YEATS2: variants seen among roughly 807,000 people sequenced by gnomAD.
The protein encoded by YEATS2 is YEATS domain-containing protein 2.
YEATS2 carries 77 observed loss-of-function variants against 163.2 expected under a neutral mutation model. The observed-to-expected ratio is 0.47, with a 90% CI of 0.39 to 0.57. The LOEUF is 0.57. Ranked by LOEUF, YEATS2 falls within the 20% of genes least tolerant of loss-of-function variation. The probability of loss-of-function intolerance (pLI) is 0.00; values close to 1 mark genes in which losing one functional copy is unlikely to be tolerated. For missense variants in YEATS2, 1,549 were observed against 1,729.8 expected (o/e 0.90, Z 1.85); for synonymous variants, 631 against 645.1 (o/e 0.98, Z 0.33).
intron 7 of YEATS2, among the ~76,000 whole-genome samples, chr3:183,732,350 G>A (rs1482224626): frequency 1.3e-5 from 2 of 151,604 alleles, no homozygotes; most frequent in Non-Finnish European, 2.9e-5. Flanking sequence ...CTACTCGAGA[G>A]GCTGAGGCAG....
At chr3:183,762,489 A>C (rs1270442225) in intron 15 of YEATS2, among the ~76,000 whole-genome samples, 1 of 152,202 alleles carries the variant, frequency 6.6e-6, no homozygotes. Flanking sequence ...TGTATTGCAA[A>C]GGATCCCGGA....
chr3:183,758,214 A>G (rs1720962708), intron 12 of YEATS2, among the ~76,000 whole-genome samples: 1 of 152,058 alleles, frequency 6.6e-6, no homozygotes, highest in South Asian at 2.1e-4. Flanking sequence ...AAAATTAGCC[A>G]GGTGTGGTAG....
chr3:183,727,303 TAAG>T (rs1717220409), intron 6 of YEATS2, among the ~76,000 whole-genome samples: 1 of 152,226 alleles, frequency 6.6e-6, no homozygotes, highest in African/African-American at 2.4e-5. Context: ...ATTAAAGAGA[TAAG>T]AAACTATTAA....
intron 15 of YEATS2, among the ~76,000 whole-genome samples, chr3:183,766,942 T>TGG (rs986750367): frequency 6.6e-6 from 1 of 151,666 alleles, no homozygotes; most frequent in Non-Finnish European, 1.5e-5. Flanking sequence ...CCCAAAGTGT[T>TGG]GGGGTTATAA....
chr3:183,765,545 T>TA (rs1401327818), intron 15 of YEATS2, among the ~76,000 whole-genome samples: 1 of 152,146 alleles, frequency 6.6e-6, no homozygotes, highest in African/African-American at 2.4e-5. Context: ...CGTGAGATGA[T>TA]ACCACTGTTT....
At chr3:183,752,573 A>T (rs776965733) in intron 10 of YEATS2, among the ~76,000 whole-genome samples, 2 of 151,230 alleles carry the variant, frequency 1.3e-5, no homozygotes, top group Non-Finnish European at 3.0e-5. Flanking sequence ...GCTGGGTGTG[A>T]TGGTGGGTGC....
At position 183,803,157 on chromosome 3, in the gene YEATS2, A is replaced by C; in HGVS notation, c.3503-99A>C. 9 of 1,249,854 alleles carry C rather than the reference A, an allele frequency of 7.2e-6. No homozygotes were observed. In the South Asian group the frequency reaches 1.2e-4, roughly 16 times the overall value. 77.4% of individuals were successfully genotyped at this position (1,249,854 alleles called of 1,614,324 possible). A position where few individuals can be genotyped will look rare whatever the true frequency, so the allele number is the denominator to read the frequency against. On this transcript the variant is annotated intron_variant, in intron 25 of 30. Coordinates refer to ENST00000305135, the MANE Select transcript of YEATS2 (RefSeq NM_018023.5). ...GCCCAGTAAGGAACATACATGCGAT[A>C]AAGAGGTCTGAAGAAGTGACTGGCT...
intron 1 of YEATS2, among the ~76,000 whole-genome samples, chr3:183,710,371 G>A (rs899901764): frequency 2.0e-5 from 3 of 152,186 alleles, no homozygotes; most frequent in African/African-American, 4.8e-5. Flanking sequence ...CTCAGCAGAT[G>A]TGCCTAGTCT....
intron 19 of YEATS2, 145 bp downstream of exon 19, chr3:183,777,845 G>A: frequency 1.6e-6 from 2 of 1,212,978 alleles, no homozygotes; most frequent in Non-Finnish European, 2.2e-6. Context: ...GCTCACGTCT[G>A]TAATCCCAGC....
intron 2 of YEATS2, among the ~76,000 whole-genome samples, chr3:183,716,843 G>T (rs1332973514): frequency 6.6e-6 from 1 of 151,140 alleles, no homozygotes; most frequent in East Asian, 1.9e-4. Context: ...CCCCCCACCA[G>T]AATTTTTCTC....
At chr3:183,730,911 G>A (rs775320009) in intron 7 of YEATS2, among the ~76,000 whole-genome samples, 1 of 152,148 alleles carries the variant, frequency 6.6e-6, no homozygotes, top group East Asian at 1.9e-4. Context: ...AGCAGTGATG[G>A]CTGGTGAAAA....
chr3:183,730,048 GTTT>G (rs1717569883), intron 7 of YEATS2, among the ~76,000 whole-genome samples: 2 of 20,820 alleles, frequency 9.6e-5, no homozygotes, highest in Non-Finnish European at 1.1e-4. Context: ...GTGGTTTTTT[GTTT>G]GTTTTTTTTT....
intron 27 of YEATS2, 46 bp downstream of exon 27, chr3:183,804,234 C>CA (rs1725966158): frequency 1.9e-6 from 3 of 1,607,278 alleles, no homozygotes; most frequent in Admixed American, 3.4e-5. Flanking sequence ...AGCCTGGAGG[C>CA]ATTTGCTGAG....
chr3:183,744,471 C>T (rs1185789847), intron 8 of YEATS2, among the ~76,000 whole-genome samples: 1 of 152,152 alleles, frequency 6.6e-6, no homozygotes, highest in Non-Finnish European at 1.5e-5. Flanking sequence ...CCTTATGTTG[C>T]ACTGGGCTCA....
intron 1 of YEATS2, among the ~76,000 whole-genome samples, chr3:183,712,187 C>CTTTTA (rs58510341): frequency 0.13 from 14,694 of 113,402 alleles, 1,582 homozygotes; most frequent in Middle Eastern, 0.22. Context: ...ATTTTATGTT[C>CTTTTA]TTTTATTTTA....
rs1218518221 is a variant in YEATS2 at position 183,775,896 on chromosome 3, T to G, written c.2369-19T>G. 3 of 1,611,408 alleles carry G rather than the reference T, an allele frequency of 1.9e-6. No individual in the cohort carries two copies. The highest frequency in any genetic ancestry group is 2.5e-6 in the Non-Finnish European group (3 of 1,179,950). Reference sequence around the variant, plus strand: ...CTTGATACTTTTTATGATGTTGCTGTCATTCATTGTATTTTTAGATCTCCA... The same window carrying G: ...CTTGATACTTTTTATGATGTTGCTGGCATTCATTGTATTTTTAGATCTCCA... On this transcript the variant is annotated intron_variant, in intron 17 of 30. Transcript: ENST00000305135.
At chr3:183,767,812 C>T (rs557222642) in intron 15 of YEATS2, among the ~76,000 whole-genome samples, 15 of 152,180 alleles carry the variant, frequency 9.9e-5, no homozygotes, top group African/African-American at 2.9e-4. Context: ...CCACCACGCC[C>T]GGCAGGATAC....
At position 183,781,419 on chromosome 3, in the gene YEATS2, C is replaced by T. The variant is rs566144855; in HGVS notation, c.2736+3719C>T. Among the ~76,000 whole-genome samples the T allele has an allele frequency of 4.6e-5, 7 of 152,260 alleles. No homozygotes were observed. In the South Asian group the frequency reaches 1.5e-3, roughly 32 times the overall value. ...TCCGCCTTTTTGTTCTATTCAGGTC[C>T]TTGACAGATTGGATGATGTCTGCCC... On this transcript the variant is annotated intron_variant, in intron 19 of 30. Transcript: ENST00000305135.
At chr3:183,790,252 G>T (rs996864287) in intron 20 of YEATS2, among the ~76,000 whole-genome samples, 5 of 152,160 alleles carry the variant, frequency 3.3e-5, no homozygotes, top group African/African-American at 1.2e-4. Context: ...CTTTCTTCTT[G>T]GTTGTGTTGG....
Sources: gnomAD v4.1 joint callset for allele counts (sites outside exome capture counted in the v4.1 genomes callset) on GRCh38, gnomAD v4.1.1 for gene constraint, MANE v1.5 for transcripts, NCBI Gene and HGNC (gene_info 2026-07-23, HGNC 2026-07-21) for gene names.